TWSG1: variants seen among roughly 807,000 people sequenced by gnomAD.
TWSG1 encodes the protein twisted gastrulation BMP signaling modulator 1, also known as twisted gastrulation protein homolog 1.
A neutral mutation model predicts 23.0 loss-of-function variants in TWSG1; 15 were observed. That is an observed-to-expected ratio of 0.65 (90% CI 0.44 to 1.00). The LOEUF is 1.00. Ranked by LOEUF, TWSG1 falls within the 50% of genes least tolerant of loss-of-function variation. TWSG1 has a pLI of 0.00. For missense variants in TWSG1, 242 were observed against 278.7 expected (o/e 0.87, Z 0.94); for synonymous variants, 86 against 92.8 (o/e 0.93, Z 0.42).
intron 3 of TWSG1, among the ~76,000 whole-genome samples, chr18:9,372,073 T>C (rs886619513): frequency 6.6e-6 from 1 of 152,064 alleles, no homozygotes; most frequent in African/African-American, 2.4e-5. Flanking sequence ...CCAACGTTTT[T>C]ATTCTTAATT....
At chr18:9,372,602 G>C (rs868296179) in intron 3 of TWSG1, among the ~76,000 whole-genome samples, 16 of 149,878 alleles carry the variant, frequency 1.1e-4, no homozygotes, top group African/African-American at 3.9e-4. Context: ...TGAAATGAAT[G>C]AAAACAATGA....
At position 9,360,026 on chromosome 18, in the gene TWSG1, A is replaced by G. The variant is rs1231549268; in HGVS notation, c.178A>G (p.Met60Val). Residue 60 changes from methionine to valine, a missense_variant, in exon 3 of 5, where the codon ATG (methionine) becomes GTG (valine). By Grantham distance (21) the Met-to-Val change is conservative (BLOSUM62 1). Transcript: ENST00000262120. The stretch of plus-strand genomic sequence containing the variant: ...CAATTGCTCCTGCTGTAAGGAGTGC[A>G]TGCTGTGTCTTGGGGCCCTTTGGGA... ...EGNCSCCKEC[M>V]LCLGALWDEC... 1 of 1,613,628 alleles carries G rather than the reference A, an allele frequency of 6.2e-7. No individual in the cohort carries two copies. The highest frequency in any genetic ancestry group is 1.3e-5 in the African/African-American group (1 of 74,926).
chr18:9,399,273 C>A, intron 4 of TWSG1, 73 bp from the exon 5 acceptor site: 1 of 1,015,524 alleles, frequency 9.8e-7, no homozygotes, highest in Non-Finnish European at 1.4e-6. Context: ...TAATATTCAA[C>A]TAGGTAATAA....
At position 9,402,042 on chromosome 18, in the gene TWSG1, C is replaced by T. The variant is rs923594385; in HGVS notation, c.*2515C>T. ...TAAAATTGTATTTACAATAGTGGTG[C>T]CAAATCAAATGGTAATTTAAATAAA... On this transcript the variant is annotated 3_prime_UTR_variant, in exon 5 of 5. Transcript: ENST00000262120. 1 of 151,814 alleles carries T rather than the reference C, an allele frequency of 6.6e-6. No homozygotes were observed. Among genetic ancestry groups the T allele is most frequent in the Non-Finnish European group, 1.5e-5 (1 of 67,968 alleles). The allele number at this position is 151,814 out of a possible 1,614,324, so 9.4% of individuals were successfully genotyped here. A position where few individuals can be genotyped will look rare whatever the true frequency, so the allele number is the denominator to read the frequency against.
chr18:9,361,710 AC>A (rs1300745479), intron 3 of TWSG1, among the ~76,000 whole-genome samples: 4 of 152,284 alleles, frequency 2.6e-5, no homozygotes, highest in African/African-American at 9.6e-5. Context: ...ACTTTTATTT[AC>A]GTTCCTTGTT....
intron 3 of TWSG1, among the ~76,000 whole-genome samples, chr18:9,372,024 C>CA (rs915264995): frequency 6.6e-6 from 1 of 152,062 alleles, no homozygotes; most frequent in African/African-American, 2.4e-5. Context: ...CTTGGCCTCC[C>CA]AAAGTGCTGG....
chr18:9,350,555 G>A (rs977067721), intron 2 of TWSG1, among the ~76,000 whole-genome samples: 8 of 152,136 alleles, frequency 5.3e-5, no homozygotes, highest in African/African-American at 1.9e-4. Context: ...AATTCACTGG[G>A]GGACTTGTAC....
intron 2 of TWSG1, among the ~76,000 whole-genome samples, chr18:9,356,756 T>G (rs2040528691): frequency 1.3e-5 from 2 of 152,156 alleles, no homozygotes; most frequent in Admixed American, 1.3e-4. Context: ...TTTAGATTTT[T>G]GGATACAGGA....
chr18:9,348,539 T>C (rs2040487659), intron 2 of TWSG1, among the ~76,000 whole-genome samples: 1 of 152,208 alleles, frequency 6.6e-6, no homozygotes. Flanking sequence ...TTGGTGAACC[T>C]GAAAAGGTTA....
At chr18:9,380,859 A>G (rs1006783949) in intron 3 of TWSG1, among the ~76,000 whole-genome samples, 4 of 152,176 alleles carry the variant, frequency 2.6e-5, no homozygotes, top group African/African-American at 9.7e-5. Context: ...AGATTAAGGA[A>G]AGCTGCCCTA....
At chr18:9,342,763 T>C (rs908905456) in intron 2 of TWSG1, among the ~76,000 whole-genome samples, 8 of 152,208 alleles carry the variant, frequency 5.3e-5, no homozygotes, top group Admixed American at 3.3e-4. Context: ...ATTTCGTATC[T>C]TGTTGTTTTT....
rs781388923 is a variant in TWSG1, at chr18:9,400,926, C to A, written c.*1399C>A. The A allele has an allele frequency of 2.0e-5, 3 of 152,070 alleles. No individual in the cohort carries two copies. The highest frequency in any genetic ancestry group is 7.2e-5 in the African/African-American group (3 of 41,388). The allele number at this position is 152,070 out of a possible 1,614,324, so 9.4% of individuals were successfully genotyped here. On this transcript the variant is annotated 3_prime_UTR_variant, in exon 5 of 5. Coordinates refer to ENST00000262120, the MANE Select transcript of TWSG1 (RefSeq NM_020648.6). Reference sequence around the variant, plus strand: ...TAGTGCATATTTGAACTACAAGCAACTTTTTAGGAATACCTCTTTATACGT... The same window carrying A: ...TAGTGCATATTTGAACTACAAGCAAATTTTTAGGAATACCTCTTTATACGT...
intron 3 of TWSG1, among the ~76,000 whole-genome samples, chr18:9,387,471 A>G (rs1040578634): frequency 1.3e-5 from 2 of 152,166 alleles, no homozygotes; most frequent in Non-Finnish European, 2.9e-5. Context: ...TAAAGTATTT[A>G]AAAGCAAATT....
At position 9,400,253 on chromosome 18, in the gene TWSG1, G is replaced by A. The variant is rs1448085275; in HGVS notation, c.*726G>A. 4 of 152,030 alleles carry A rather than the reference G, an allele frequency of 2.6e-5. No homozygotes were observed. The highest frequency in any genetic ancestry group is 5.9e-5 in the Non-Finnish European group (4 of 68,038). 9.4% of individuals were successfully genotyped at this position (152,030 alleles called of 1,614,324 possible). On this transcript the variant is annotated 3_prime_UTR_variant, in exon 5 of 5. Coordinates refer to ENST00000262120, the MANE Select transcript of TWSG1 (RefSeq NM_020648.6). ...GAATCTTTACCAAGATTTTCAGGGT[G>A]TACCTATGAAATTGCTTTAAATGCA...
In TWSG1 at chr18:9,359,983, G is replaced by A. The variant is rs748259224; in HGVS notation, c.135G>A (p.Gln45=). 5.0e-6 allele frequency: 8 copies of A among 1,613,228 alleles called. No homozygotes were observed. The Admixed American group carries it at 1.3e-4, about 27-fold the overall frequency. Residue 45 remains glutamine, a synonymous_variant, in exon 3 of 5, where the codon CAG becomes CAA. Transcript: ENST00000262120. ...TGTCTTGTTTCTAGGAGCTCTGCCAGTGCCGGCCGGGAGAAGGCAATTGCT... is the reference window on the plus strand; with the variant it reads ...TGTCTTGTTTCTAGGAGCTCTGCCAATGCCGGCCGGGAGAAGGCAATTGCT... The part of the protein sequence containing the change: ...VSKCLIQELC[Q]CRPGEGNCSC...
rs2040762567 is a variant in TWSG1, at chr18:9,401,514, C to T, written c.*1987C>T. ...TGTAATATCTGTTTCCCACCCCCTA[C>T]ATTAGGAGGATAATTTCTTAAACCA... is the stretch of plus-strand genomic sequence containing the variant. On this transcript the variant is annotated 3_prime_UTR_variant, in exon 5 of 5. Coordinates refer to ENST00000262120, the MANE Select transcript of TWSG1 (RefSeq NM_020648.6). 6.6e-6 allele frequency: 1 copy of T among 152,110 alleles called. No homozygotes were observed. The highest frequency in any genetic ancestry group is 1.5e-5 in the Non-Finnish European group (1 of 68,014). 9.4% of individuals were successfully genotyped at this position (152,110 alleles called of 1,614,324 possible).
chr18:9,346,782 G>A (rs1377279635), intron 2 of TWSG1, among the ~76,000 whole-genome samples: 1 of 152,132 alleles, frequency 6.6e-6, no homozygotes, highest in East Asian at 1.9e-4. Flanking sequence ...ACATAAAGCT[G>A]CTATAACCAT....
At chr18:9,346,024 T>A (rs2040475620) in intron 2 of TWSG1, among the ~76,000 whole-genome samples, 1 of 152,240 alleles carries the variant, frequency 6.6e-6, no homozygotes, top group Non-Finnish European at 1.5e-5. Context: ...TAGCATTAAC[T>A]CTTTGTGTTT....
intron 2 of TWSG1, among the ~76,000 whole-genome samples, chr18:9,355,686 A>C (rs2040523782): frequency 6.6e-6 from 1 of 152,254 alleles, no homozygotes; most frequent in African/African-American, 2.4e-5. Flanking sequence ...GATTTGCAGT[A>C]AGATTTTAAA....
Sources: allele counts gnomAD v4.1 joint callset (sites outside exome capture counted in the v4.1 genomes callset), GRCh38; gene constraint gnomAD v4.1.1; transcripts MANE v1.5; gene names NCBI Gene and HGNC (gene_info 2026-07-23, HGNC 2026-07-21).